The following CFAP95 variants were observed in gnomAD, a reference collection of about 807,000 sequenced individuals.
CFAP95 encodes the protein cilia and flagella associated protein 95, also known as cilia- and flagella-associated protein 95.
the CFAP95 span, among the ~76,000 whole-genome samples, chr9:69,862,096 A>G: frequency 0.042 from 6,345 of 152,312 alleles, 192 homozygotes; most frequent in Non-Finnish European, 0.06. Context: ...CAGTGCCTAA[A>G]GAGAGCCTAA....
chr9:69,883,697 C>T, the CFAP95 span, among the ~76,000 whole-genome samples: 7 of 152,010 alleles, frequency 4.6e-5, no homozygotes, highest in East Asian at 3.9e-4. Context: ...TAGCCACTAA[C>T]GATCCTTTGA....
the CFAP95 span, among the ~76,000 whole-genome samples, chr9:69,852,387 C>T: frequency 6.6e-6 from 1 of 152,014 alleles, no homozygotes; most frequent in East Asian, 1.9e-4. Flanking sequence ...GTCTCATTCA[C>T]CTTGATGATT....
the CFAP95 span, among the ~76,000 whole-genome samples, chr9:69,892,063 G>T: frequency 6.6e-6 from 1 of 151,944 alleles, no homozygotes; most frequent in Non-Finnish European, 1.5e-5. Context: ...AATGACATCC[G>T]CATTTTTTTA....
the CFAP95 span, among the ~76,000 whole-genome samples, chr9:69,846,982 G>A: frequency 5.9e-5 from 9 of 152,292 alleles, no homozygotes; most frequent in South Asian, 8.3e-4. Context: ...GAGGTTTCAA[G>A]GGAACCACTC....
chr9:69,844,902 C>T, the CFAP95 span, among the ~76,000 whole-genome samples: 9 of 152,214 alleles, frequency 5.9e-5, no homozygotes, highest in Non-Finnish European at 2.9e-5. Flanking sequence ...TGCTATGATG[C>T]TGTTGTCACT....
the CFAP95 span, among the ~76,000 whole-genome samples, chr9:69,856,106 C>T: frequency 6.6e-6 from 1 of 152,148 alleles, no homozygotes; most frequent in East Asian, 1.9e-4. Context: ...GATTTTTCCA[C>T]ATCGCAATAA....
chr9:69,876,575 T>A, the CFAP95 span, among the ~76,000 whole-genome samples: 1 of 152,194 alleles, frequency 6.6e-6, no homozygotes, highest in Admixed American at 6.5e-5. Flanking sequence ...AATTCTGTTA[T>A]TAATCCTCTT....
At chr9:69,864,311 G>A in the CFAP95 span, among the ~76,000 whole-genome samples, 1 of 152,074 alleles carries the variant, frequency 6.6e-6, no homozygotes, top group Non-Finnish European at 1.5e-5. Flanking sequence ...GTGTGTGTGT[G>A]TATGTGCATG....
At chr9:69,830,110 T>C in the CFAP95 span, among the ~76,000 whole-genome samples, 1 of 152,210 alleles carries the variant, frequency 6.6e-6, no homozygotes, top group Admixed American at 6.5e-5. Context: ...GTTTGCTTCA[T>C]CTTGTTGTGG....
chr9:69,827,652 C>T, the CFAP95 span, among the ~76,000 whole-genome samples: 2 of 152,198 alleles, frequency 1.3e-5, no homozygotes, highest in Admixed American at 6.5e-5. Flanking sequence ...CTCGCCTCAT[C>T]CTGGTCCAAC....
the CFAP95 span, among the ~76,000 whole-genome samples, chr9:69,894,121 G>A: frequency 6.6e-6 from 1 of 152,140 alleles, no homozygotes; most frequent in Non-Finnish European, 1.5e-5. Flanking sequence ...TAAATATCTT[G>A]TCTGAAAGAT....
the CFAP95 span, chr9:69,902,364 T>C: frequency 2.6e-4 from 119 of 454,176 alleles, 1 homozygote; most frequent in South Asian, 1.6e-3. Flanking sequence ...GGTTTGATCA[T>C]TGACATTCTA....
At chr9:69,857,086 G>A in the CFAP95 span, among the ~76,000 whole-genome samples, 5 of 152,246 alleles carry the variant, frequency 3.3e-5, no homozygotes, top group South Asian at 4.1e-4. Flanking sequence ...AAATTTAGAC[G>A]AAATAAAGTA....
At chr9:69,881,265 C>A in the CFAP95 span, among the ~76,000 whole-genome samples, 1,748 of 152,228 alleles carry the variant, frequency 0.011, 31 homozygotes, top group African/African-American at 0.039. Flanking sequence ...AGATTTTTCC[C>A]AATGTTTTCT....
the CFAP95 span, chr9:69,906,134 T>A: frequency 6.3e-7 from 1 of 1,595,020 alleles, no homozygotes; most frequent in Non-Finnish European, 8.5e-7. Context: ...TGTGCCAATT[T>A]AAAAATAATG....
the CFAP95 span, among the ~76,000 whole-genome samples, chr9:69,839,873 C>T: frequency 1.3e-5 from 2 of 150,702 alleles, no homozygotes; most frequent in African/African-American, 2.4e-5. Context: ...GTCAGGAGTT[C>T]GAGACCAGCC....
chr9:69,831,592 C>A, the CFAP95 span, among the ~76,000 whole-genome samples: 1 of 152,160 alleles, frequency 6.6e-6, no homozygotes, highest in Non-Finnish European at 1.5e-5. Flanking sequence ...GCTACCCCAG[C>A]AACTACAATG....
the CFAP95 span, among the ~76,000 whole-genome samples, chr9:69,885,408 T>C: frequency 6.6e-6 from 1 of 152,052 alleles, no homozygotes; most frequent in Non-Finnish European, 1.5e-5. Context: ...ATAGCTGAGG[T>C]TTCTCTGGTT....
At chr9:69,889,697 C>CTGT in the CFAP95 span, among the ~76,000 whole-genome samples, 1 of 152,058 alleles carries the variant, frequency 6.6e-6, no homozygotes, top group Non-Finnish European at 1.5e-5. Flanking sequence ...GCAACACCTG[C>CTGT]TGTTCTCAAT....
Sources: allele counts gnomAD v4.1 joint callset (sites outside exome capture counted in the v4.1 genomes callset), GRCh38; gene constraint gnomAD v4.1.1; transcripts MANE v1.5; gene names NCBI Gene and HGNC (gene_info 2026-07-23, HGNC 2026-07-21).